FGF12: variants seen among roughly 807,000 people sequenced by gnomAD.
FGF12 encodes the protein fibroblast growth factor 12.
In FGF12, 14 loss-of-function variants were observed where a neutral mutation model predicts 23.6. The ratio of observed to expected loss-of-function variants is 0.59; its 90% CI spans 0.39 to 0.93. The LOEUF (loss-of-function observed/expected upper bound fraction) is 0.93. Ranked by LOEUF, FGF12 falls within the 40% of genes least tolerant of loss-of-function variation. The pLI is 0.00. For synonymous variants in FGF12, 62 were observed against 77.3 expected, an observed-to-expected ratio of 0.80 and a Z score of 1.04; for missense variants, 175 against 217.8, an observed-to-expected ratio of 0.80 and a Z score of 1.24.
chr3:192,523,361 T>C (rs984359211), intron 2 of FGF12, among the ~76,000 whole-genome samples: 1 of 152,188 alleles, frequency 6.6e-6, no homozygotes, highest in Non-Finnish European at 1.5e-5. Flanking sequence ...GTGCCATAAA[T>C]CTGAGGTGCT....
chr3:192,230,649 C>A (rs1001915512), intron 4 of FGF12, among the ~76,000 whole-genome samples: 2 of 152,140 alleles, frequency 1.3e-5, no homozygotes, highest in Non-Finnish European at 2.9e-5. Flanking sequence ...TATTCTTGAG[C>A]ACCCACACTT....
At chr3:192,493,411 C>T (rs897134787) in intron 2 of FGF12, among the ~76,000 whole-genome samples, 1 of 152,152 alleles carries the variant, frequency 6.6e-6, no homozygotes, top group African/African-American at 2.4e-5. Context: ...CCAATTTATG[C>T]ACTTATCCAA....
intron 5 of FGF12, among the ~76,000 whole-genome samples, chr3:192,167,736 T>C (rs1462877887): frequency 5.5e-5 from 1 of 18,070 alleles, no homozygotes; most frequent in Non-Finnish European, 1.0e-4. Context: ...TATAGGTATA[T>C]ATATATATAT....
chr3:192,718,281 A>G (rs1577139625), intron 2 of FGF12, among the ~76,000 whole-genome samples: 1 of 150,848 alleles, frequency 6.6e-6, no homozygotes, highest in Non-Finnish European at 1.5e-5. Context: ...ACTCATCTTA[A>G]TTGTAAAGAG....
intron 4 of FGF12, among the ~76,000 whole-genome samples, chr3:192,315,548 G>A (rs11914714): frequency 0.036 from 5,509 of 152,114 alleles, 325 homozygotes; most frequent in African/African-American, 0.13. Context: ...AGATAGTTCC[G>A]AGAAGGAAAA....
chr3:192,191,777 A>C (rs566838373), intron 4 of FGF12, among the ~76,000 whole-genome samples: 5 of 151,824 alleles, frequency 3.3e-5, no homozygotes, highest in Non-Finnish European at 7.4e-5. Context: ...TGGAGCTTGC[A>C]GTGAGCAGAG....
intron 2 of FGF12, among the ~76,000 whole-genome samples, chr3:192,668,926 C>T (rs936847951): frequency 1.3e-5 from 2 of 151,874 alleles, no homozygotes; most frequent in East Asian, 1.9e-4. Flanking sequence ...GACTAATAAC[C>T]ATGATAAGAA....
At chr3:192,682,803 G>A (rs914986629) in intron 2 of FGF12, among the ~76,000 whole-genome samples, 6 of 152,164 alleles carry the variant, frequency 3.9e-5, no homozygotes, top group African/African-American at 1.4e-4. Flanking sequence ...TTTGAGCCAT[G>A]GGTCAGAAGG....
intron 2 of FGF12, among the ~76,000 whole-genome samples, chr3:192,507,257 C>T (rs1393996452): frequency 2.0e-5 from 3 of 151,118 alleles, no homozygotes; most frequent in Non-Finnish European, 4.4e-5. Context: ...GAGGGGGGTC[C>T]AGTCAGTCAA....
At chr3:192,604,510 G>T (rs377619099) in intron 2 of FGF12, among the ~76,000 whole-genome samples, 1 of 152,196 alleles carries the variant, frequency 6.6e-6, no homozygotes, top group African/African-American at 2.4e-5. Flanking sequence ...GGAACTGAAA[G>T]ATTTCTACAA....
chr3:192,343,129 A>C (rs1203594104), intron 3 of FGF12, among the ~76,000 whole-genome samples: 2 of 152,162 alleles, frequency 1.3e-5, no homozygotes, highest in Non-Finnish European at 2.9e-5. Flanking sequence ...GTAACGAAGA[A>C]AGGTATAAAA....
chr3:192,195,518 A>T (rs1717021552), intron 4 of FGF12, among the ~76,000 whole-genome samples: 1 of 152,172 alleles, frequency 6.6e-6, no homozygotes, highest in African/African-American at 2.4e-5. Context: ...CCATAAATGG[A>T]CAGGTTTGTA....
intron 2 of FGF12, among the ~76,000 whole-genome samples, chr3:192,385,499 G>T (rs1720000247): frequency 6.6e-6 from 1 of 152,116 alleles, no homozygotes; most frequent in Non-Finnish European, 1.5e-5. Context: ...AATTCAAACA[G>T]ATCTCCTGGG....
At chr3:192,675,193 C>T (rs1577114583) in intron 2 of FGF12, among the ~76,000 whole-genome samples, 3 of 152,102 alleles carry the variant, frequency 2.0e-5, no homozygotes, top group South Asian at 4.2e-4. Flanking sequence ...CTGGATGGTC[C>T]CAGTACACTG....
chr3:192,495,061 A>G (rs1266946592), intron 2 of FGF12, among the ~76,000 whole-genome samples: 3 of 152,056 alleles, frequency 2.0e-5, no homozygotes, highest in Non-Finnish European at 1.5e-5. Context: ...AGATTTCCCC[A>G]TCTTGGCCAG....
At chr3:192,682,965 T>A (rs1285485052) in intron 2 of FGF12, among the ~76,000 whole-genome samples, 2 of 152,186 alleles carry the variant, frequency 1.3e-5, no homozygotes, top group Non-Finnish European at 2.9e-5. Context: ...GGTGACATGC[T>A]GTCATGGGGA....
chr3:192,462,320 C>T (rs558944638), intron 2 of FGF12, among the ~76,000 whole-genome samples: 2 of 152,060 alleles, frequency 1.3e-5, no homozygotes, highest in South Asian at 2.1e-4. Flanking sequence ...GTCTTGAGGG[C>T]TCTGACTCAT....
intron 4 of FGF12, among the ~76,000 whole-genome samples, chr3:192,181,571 G>A (rs1444048363): frequency 6.6e-6 from 1 of 151,444 alleles, no homozygotes; most frequent in South Asian, 2.1e-4. Flanking sequence ...GGTCAGTTAC[G>A]CAGATAGTAG....
At chr3:192,574,202 A>G in intron 2 of FGF12, among the ~76,000 whole-genome samples, 1 of 152,252 alleles carries the variant, frequency 6.6e-6, no homozygotes, top group East Asian at 1.9e-4. Context: ...TGCAGAAGTT[A>G]GCTAGTCAAT....
Sources: gnomAD v4.1 joint callset for allele counts (sites outside exome capture counted in the v4.1 genomes callset) on GRCh38, gnomAD v4.1.1 for gene constraint, MANE v1.5 for transcripts, NCBI Gene and HGNC (gene_info 2026-07-23, HGNC 2026-07-21) for gene names.